Variants in PRKG1 observed in about 807,000 individuals in gnomAD.
PRKG1 encodes protein kinase cGMP-dependent 1, also known as cGMP-dependent protein kinase 1.
In PRKG1, 35 loss-of-function variants were observed where a neutral mutation model predicts 88.1. That is an observed-to-expected ratio of 0.40 (90% confidence interval 0.30 to 0.53). The LOEUF (loss-of-function observed/expected upper bound fraction) is 0.53, where lower values mean the gene tolerates loss of function less well. PRKG1 is among the 20% of genes least tolerant of loss of function. PRKG1 has a pLI of 0.59. For synonymous variants in PRKG1, 303 were observed against 292.5 expected (o/e 1.04, Z -0.37); for missense variants, 540 against 839.8 (o/e 0.64, Z 4.41).
At chr10:51,403,411 G>C (rs1294453392) in intron 2 of PRKG1, among the ~76,000 whole-genome samples, 3 of 152,062 alleles carry the variant, frequency 2.0e-5, no homozygotes, top group African/African-American at 7.2e-5. Context: ...TACTTTTCTA[G>C]GGAACTAAGA....
intron 3 of PRKG1, among the ~76,000 whole-genome samples, chr10:51,627,581 T>G (rs1276141392): frequency 4.6e-5 from 7 of 152,210 alleles, no homozygotes; most frequent in Admixed American, 4.6e-4. Flanking sequence ...TTGTTCATTT[T>G]TTTGTTTGTT....
chr10:51,845,914 A>C (rs1472702608), intron 4 of PRKG1, among the ~76,000 whole-genome samples: 4 of 151,538 alleles, frequency 2.6e-5, no homozygotes, highest in African/African-American at 7.3e-5. Context: ...ATATTAATTG[A>C]ATGATACAGT....
In PRKG1 at chr10:51,448,559, A is replaced by G. The variant is rs74132278; in HGVS notation, c.479-19164A>G. ...GAGGCTGATCCTTATTCATTTATTC[A>G]ACTACTACCAGCTTGTAATATTTTT... On this transcript the variant is annotated intron_variant, in intron 2 of 17. Transcript: ENST00000373980. Among the ~76,000 whole-genome samples the G allele has an allele frequency of 6.7e-3, 1,015 of 152,182 alleles. 16 individuals carry two copies. The highest frequency in any genetic ancestry group is 0.024 in the African/African-American group (980 of 41,562).
chr10:51,515,078 C>G (rs1160103626), intron 3 of PRKG1, among the ~76,000 whole-genome samples: 1 of 152,138 alleles, frequency 6.6e-6, no homozygotes, highest in Non-Finnish European at 1.5e-5. Context: ...AACTGACACC[C>G]TGCCTCCCAT....
chr10:51,957,027 T>C (rs1000400004), intron 5 of PRKG1, among the ~76,000 whole-genome samples: 19 of 150,652 alleles, frequency 1.3e-4, no homozygotes, highest in African/African-American at 3.4e-4. Flanking sequence ...CTCTTTTCCT[T>C]TTTTCCTTCC....
intron 3 of PRKG1, among the ~76,000 whole-genome samples, chr10:51,571,937 C>G (rs935522502): frequency 3.3e-5 from 5 of 151,378 alleles, no homozygotes; most frequent in Admixed American, 1.3e-4. Context: ...TACCGGAAAG[C>G]ATACGAAATA....
At chr10:51,957,498 G>A (rs73339228) in intron 5 of PRKG1, among the ~76,000 whole-genome samples, 4 of 151,838 alleles carry the variant, frequency 2.6e-5, no homozygotes, top group Admixed American at 1.3e-4. Context: ...TCTCTATGCT[G>A]CCCAGACTTG....
chr10:52,142,601 G>A (rs188958201), intron 8 of PRKG1, among the ~76,000 whole-genome samples: 247 of 152,172 alleles, frequency 1.6e-3, no homozygotes, highest in Non-Finnish European at 6.2e-4. Flanking sequence ...AAATATTTGA[G>A]TTCCAAATGA....
Position 51,009,161 on chromosome 10 carries a change from A to G in PRKG1, c.266+17517A>G, listed in dbSNP as rs965542217. On this transcript the variant is annotated intron_variant, in intron 1 of 17. Coordinates refer to the PRKG1 transcript ENST00000401604. ...AAAACCCTTCTATGCTATAATTTCA[A>G]TGCCTTAATTCCCTATAATTTTGGT... Among the ~76,000 whole-genome samples, 7 of 152,224 alleles carry G rather than the reference A, an allele frequency of 4.6e-5. No homozygotes were observed. In the East Asian group the frequency reaches 1.3e-3, roughly 29 times the overall value.
intron 3 of PRKG1, among the ~76,000 whole-genome samples, chr10:51,611,068 G>C (rs550326765): frequency 6.6e-6 from 1 of 150,976 alleles, no homozygotes; most frequent in South Asian, 2.1e-4. Context: ...AAAAAAAAAA[G>C]TAGTGCTGCA....
At chr10:51,794,782 T>A (rs1838967499) in intron 3 of PRKG1, among the ~76,000 whole-genome samples, 1 of 151,692 alleles carries the variant, frequency 6.6e-6, no homozygotes, top group African/African-American at 2.4e-5. Context: ...TAAAAAAAAA[T>A]AGAAAGTAAA....
intron 9 of PRKG1, among the ~76,000 whole-genome samples, chr10:52,187,607 A>G (rs1232882105): frequency 5.3e-5 from 8 of 152,242 alleles, no homozygotes; most frequent in Non-Finnish European, 5.9e-5. Context: ...ACATGGTTTC[A>G]TTAACTTTTA....
chr10:51,555,663 G>A (rs566415147), intron 3 of PRKG1, among the ~76,000 whole-genome samples: 23 of 152,110 alleles, frequency 1.5e-4, no homozygotes, highest in African/African-American at 5.3e-4. Flanking sequence ...CTTCCTGTTG[G>A]CAGGTAGCTG....
chr10:51,374,093 A>AAAAATATATATATATATATATATATATAT lies in PRKG1; in HGVS notation c.479-93629_479-93628insAAATATATATATATATATATATATATATA. Among the ~76,000 whole-genome samples, 469 of 99,524 alleles carry AAAAATATATATATATATATATATATATAT rather than the reference A, an allele frequency of 4.7e-3. 2 individuals carry two copies. The highest frequency in any genetic ancestry group is 7.6e-3 in the Non-Finnish European group (342 of 44,928). 65.3% of individuals were successfully genotyped at this position (99,524 alleles called of 152,430 possible). On this transcript the variant is annotated intron_variant, in intron 2 of 17. Coordinates refer to ENST00000373980, the MANE Select transcript of PRKG1 (RefSeq NM_006258.4). ...GCTGGCAGAGGTTGCAAAAAAAAAA[A>AAAAATATATATATATATATATATATATAT]ATATATATATATATATATATGTACT...
chr10:52,041,797 G>T (rs1222039838), intron 5 of PRKG1, among the ~76,000 whole-genome samples: 2 of 151,932 alleles, frequency 1.3e-5, no homozygotes, highest in Non-Finnish European at 2.9e-5. Flanking sequence ...TCTTAAATAT[G>T]TAAAACCCTA....
At chr10:51,172,984 A>G (rs1837085055) in intron 2 of PRKG1, among the ~76,000 whole-genome samples, 1 of 152,006 alleles carries the variant, frequency 6.6e-6, no homozygotes, top group Non-Finnish European at 1.5e-5. Context: ...TTAACAAATA[A>G]TTAGCATTTG....
At chr10:52,275,881 G>A (rs1841861795) in intron 12 of PRKG1, among the ~76,000 whole-genome samples, 1 of 151,972 alleles carries the variant, frequency 6.6e-6, no homozygotes. Context: ...TCTGGTAGAG[G>A]TCTTTCAACT....
intron 2 of PRKG1, among the ~76,000 whole-genome samples, chr10:51,256,474 A>C (rs1839563604): frequency 6.6e-6 from 1 of 152,188 alleles, no homozygotes; most frequent in Non-Finnish European, 1.5e-5. Flanking sequence ...GAAAGGCTAC[A>C]TAAAGGATAG....
intron 9 of PRKG1, among the ~76,000 whole-genome samples, chr10:52,194,579 G>A (rs979835163): frequency 1.3e-5 from 2 of 152,056 alleles, no homozygotes; most frequent in African/African-American, 4.8e-5. Flanking sequence ...ATGTTTTCTC[G>A]CTAAAGTTTC....
Sources: gnomAD v4.1 joint callset for allele counts (sites outside exome capture counted in the v4.1 genomes callset) on GRCh38, gnomAD v4.1.1 for gene constraint, MANE v1.5 for transcripts, NCBI Gene and HGNC (gene_info 2026-07-23, HGNC 2026-07-21) for gene names.